Variants in KIF26B observed in about 807,000 individuals in gnomAD.
KIF26B encodes the protein kinesin family member 26B.
Under a neutral mutation model 151.2 loss-of-function variants are expected in KIF26B, and 63 were observed. The ratio of observed to expected loss-of-function variants is 0.42; its 90% CI spans 0.34 to 0.51. The LOEUF (loss-of-function observed/expected upper bound fraction) is 0.51. Ranked by LOEUF, KIF26B falls within the 20% of genes least tolerant of loss-of-function variation. The pLI is 0.07. For missense variants in KIF26B, 2,813 were observed against 2,913.6 expected (o/e 0.97, Z 0.79); for synonymous variants, 1,357 against 1,262.1 (o/e 1.08, Z -1.59).
intron 2 of KIF26B, among the ~76,000 whole-genome samples, chr1:245,188,295 A>AAAG (rs1201309874): frequency 6.6e-6 from 1 of 151,398 alleles, no homozygotes; most frequent in African/African-American, 2.4e-5. Flanking sequence ...AAAAAAAAAA[A>AAAG]AAAAAAAGAG....
At chr1:245,269,901 G>T (rs191986678) in intron 2 of KIF26B, among the ~76,000 whole-genome samples, 1 of 152,090 alleles carries the variant, frequency 6.6e-6, no homozygotes, top group African/African-American at 2.4e-5. Flanking sequence ...GTGATGCAGC[G>T]AACATGGGAA....
At chr1:245,517,939 C>T (rs905481781) in intron 4 of KIF26B, among the ~76,000 whole-genome samples, 34 of 146,708 alleles carry the variant, frequency 2.3e-4, no homozygotes, top group African/African-American at 7.7e-4. Context: ...GTGGCACGAT[C>T]TCGGCTCACT....
At chr1:245,692,753 T>C (rs2044643168) in intron 12 of KIF26B, among the ~76,000 whole-genome samples, 1 of 152,212 alleles carries the variant, frequency 6.6e-6, no homozygotes, top group Non-Finnish European at 1.5e-5. Flanking sequence ...TGGGGAGTCA[T>C]TACAGGCTCT....
chr1:245,439,949 C>T (rs550846704), intron 4 of KIF26B, among the ~76,000 whole-genome samples: 37 of 152,280 alleles, frequency 2.4e-4, no homozygotes, highest in African/African-American at 7.0e-4. Flanking sequence ...AGGCCAGGTG[C>T]GGTGGCTCAC....
intron 2 of KIF26B, among the ~76,000 whole-genome samples, chr1:245,346,233 G>A (rs116207739): frequency 0.011 from 1,726 of 151,882 alleles, 17 homozygotes; most frequent in Non-Finnish European, 0.014. Flanking sequence ...GTGAGCCACC[G>A]CACCTGGCCC....
chr1:245,570,182 C>T (rs973869409), intron 5 of KIF26B, among the ~76,000 whole-genome samples: 3 of 151,922 alleles, frequency 2.0e-5, no homozygotes, highest in East Asian at 3.9e-4. Flanking sequence ...GTGATCCACC[C>T]GTCTTGGCCT....
chr1:245,524,036 A>C (rs1053609850), intron 4 of KIF26B, among the ~76,000 whole-genome samples: 1 of 152,244 alleles, frequency 6.6e-6, no homozygotes, highest in African/African-American at 2.4e-5. Flanking sequence ...AATATTTGTA[A>C]AATAATTTAA....
intron 2 of KIF26B, among the ~76,000 whole-genome samples, chr1:245,330,008 T>C (rs1023788746): frequency 6.6e-6 from 1 of 152,028 alleles, no homozygotes; most frequent in Non-Finnish European, 1.5e-5. Flanking sequence ...GGTCTTGCTA[T>C]GTTGCCCAGG....
chr1:245,198,961 A>G (rs1669247678), intron 2 of KIF26B, among the ~76,000 whole-genome samples: 5 of 151,580 alleles, frequency 3.3e-5, no homozygotes, highest in Non-Finnish European at 4.4e-5. Context: ...GAGGCGGGAG[A>G]GTGTGGCCGC....
At chr1:245,535,963 A>G (rs974423245) in intron 4 of KIF26B, among the ~76,000 whole-genome samples, 1 of 152,210 alleles carries the variant, frequency 6.6e-6, no homozygotes, top group African/African-American at 2.4e-5. Flanking sequence ...AATAATATTT[A>G]TAATAGTGAT....
intron 5 of KIF26B, among the ~76,000 whole-genome samples, chr1:245,551,267 A>G (rs1661874325): frequency 6.6e-6 from 1 of 152,036 alleles, no homozygotes; most frequent in Admixed American, 6.5e-5. Flanking sequence ...GGTCTCAAAC[A>G]CTTGGGCTCA....
chr1:245,269,345 A>G (rs960523899), intron 2 of KIF26B, among the ~76,000 whole-genome samples: 5 of 147,546 alleles, frequency 3.4e-5, no homozygotes, highest in Non-Finnish European at 7.5e-5. Flanking sequence ...TTTGATTTTG[A>G]CTACATTAGC....
At chr1:245,511,271 A>T in intron 4 of KIF26B, 7 of 619,830 alleles carry the variant, frequency 1.1e-5, no homozygotes, top group Middle Eastern at 4.2e-4. Context: ...AGGAGGGTCC[A>T]GGTTGTGCAA....
chr1:245,685,052 A>G (rs2044491577), intron 11 of KIF26B, among the ~76,000 whole-genome samples: 1 of 152,116 alleles, frequency 6.6e-6, no homozygotes, highest in South Asian at 2.1e-4. Context: ...TCTGTTTTGT[A>G]CCTTTTTTAT....
At chr1:245,492,762 A>T (rs1255485887) in intron 4 of KIF26B, among the ~76,000 whole-genome samples, 1 of 152,142 alleles carries the variant, frequency 6.6e-6, no homozygotes, top group Non-Finnish European at 1.5e-5. Flanking sequence ...GTCATGTTAC[A>T]AAGGAAATAA....
chr1:245,651,370 G>A (rs2103189926), intron 10 of KIF26B, among the ~76,000 whole-genome samples: 2 of 152,302 alleles, frequency 1.3e-5, no homozygotes, highest in South Asian at 4.1e-4. Flanking sequence ...GCACCTGTGG[G>A]TCACACTTGT....
chr1:245,365,496 C>G (rs1037194998), intron 2 of KIF26B, among the ~76,000 whole-genome samples: 1 of 151,438 alleles, frequency 6.6e-6, no homozygotes, highest in African/African-American at 2.4e-5. Flanking sequence ...CTTCCTGCCC[C>G]GTCACTGCCT....
At chr1:245,290,381 A>C (rs1392323239) in intron 2 of KIF26B, among the ~76,000 whole-genome samples, 1 of 152,238 alleles carries the variant, frequency 6.6e-6, no homozygotes, top group South Asian at 2.1e-4. Context: ...AGAGAAGTAA[A>C]GAAACAAAAG....
intron 10 of KIF26B, among the ~76,000 whole-genome samples, chr1:245,674,673 G>A (rs1379329004): frequency 2.0e-5 from 3 of 152,114 alleles, no homozygotes; most frequent in African/African-American, 7.2e-5. Context: ...ATGCTACATT[G>A]AATAAAAATA....
Sources: allele counts gnomAD v4.1 joint callset (sites outside exome capture counted in the v4.1 genomes callset), GRCh38; gene constraint gnomAD v4.1.1; transcripts MANE v1.5; gene names NCBI Gene and HGNC (gene_info 2026-07-23, HGNC 2026-07-21).